Variants in COMT observed in about 807,000 individuals in gnomAD.
COMT encodes the protein catechol-O-methyltransferase, also known as catechol O-methyltransferase.
In COMT, 13 loss-of-function variants were observed where a neutral mutation model predicts 18.9. That is an observed-to-expected ratio of 0.69 (90% CI 0.45 to 1.09). The LOEUF (loss-of-function observed/expected upper bound fraction) is 1.09, where lower values mean the gene tolerates loss of function less well. Ranked by LOEUF, COMT falls within the 50% of genes least tolerant of loss-of-function variation. The pLI, the probability that COMT is intolerant of heterozygous loss-of-function variation, is 0.00. For missense variants in COMT, 329 were observed against 361.8 expected, an observed-to-expected ratio of 0.91 and a Z score of 0.73; for synonymous variants, 150 against 160.9, an observed-to-expected ratio of 0.93 and a Z score of 0.51.
intron 5 of COMT, 69 bp downstream of exon 5, chr22:19,964,368 TCCAAA>T: frequency 6.2e-7 from 1 of 1,609,084 alleles, no homozygotes. Context: ...CCTCAGCCTC[TCCAAA>T]GAGCCAGGCA....
At chr22:19,957,188 G>A (rs1365630507) in intron 1 of COMT, among the ~76,000 whole-genome samples, 3 of 152,130 alleles carry the variant, frequency 2.0e-5, no homozygotes, top group African/African-American at 4.8e-5. Context: ...CTGACCTCGT[G>A]ATCTGCCCGC....
chr22:19,951,944 C>T (rs1941948783), intron 1 of COMT, among the ~76,000 whole-genome samples: 1 of 152,184 alleles, frequency 6.6e-6, no homozygotes, highest in African/African-American at 2.4e-5. Flanking sequence ...CTCTTGGTAG[C>T]CATGACTTTC....
Position 19,963,540 on chromosome 22 carries a change from T to C in COMT, c.290-26T>C, listed in dbSNP as rs748587418. The C allele has an allele frequency of 3.1e-6, 5 of 1,608,802 alleles. No homozygotes were observed. In the East Asian group the frequency reaches 6.7e-5, roughly 22 times the overall value. ...TCCCCTCTCTCCACCTGTGCTCACC[T>C]CTCCTCCGTCCCCAACCCTGCACAG... On this transcript the variant is annotated intron_variant, in intron 3 of 5. Coordinates refer to ENST00000361682, the MANE Select transcript of COMT (RefSeq NM_000754.4).
chr22:19,947,015 A>C (rs1340544753), intron 1 of COMT, among the ~76,000 whole-genome samples: 1 of 148,252 alleles, frequency 6.7e-6, no homozygotes, highest in Non-Finnish European at 1.5e-5. Context: ...TCCTGGGCTC[A>C]AGCGATTCTC....
intron 1 of COMT, among the ~76,000 whole-genome samples, 155 bp from the exon 2 acceptor site, chr22:19,961,044 A>G (rs1942180729): frequency 6.6e-6 from 1 of 152,204 alleles, no homozygotes; most frequent in African/African-American, 2.4e-5. Flanking sequence ...GTCTCTTCTG[A>G]GGCCGGAAAG....
intron 5 of COMT, among the ~76,000 whole-genome samples, chr22:19,965,877 CCT>C (rs1942365117): frequency 6.6e-6 from 1 of 152,112 alleles, no homozygotes; most frequent in African/African-American, 2.4e-5. Flanking sequence ...GGGGCTCACC[CCT>C]GACAAAGGAG....
In COMT at chr22:19,967,826, T is replaced by C. The variant is rs151284584; in HGVS notation, c.616-710T>C. On this transcript the variant is annotated intron_variant, in intron 5 of 5. Coordinates refer to ENST00000361682, the MANE Select transcript of COMT (RefSeq NM_000754.4). Reference sequence around the variant, plus strand: ...CTCTCAAGGTTTCTTGTTTATGTGATGTAAGCAAACCCTTTTCTGATAGCA... The same window carrying C: ...CTCTCAAGGTTTCTTGTTTATGTGACGTAAGCAAACCCTTTTCTGATAGCA... The C allele has an allele frequency of 7.3e-3, 1,615 of 220,568 alleles. 16 individuals carry two copies. The highest frequency in any genetic ancestry group is 0.013 in the South Asian group (210 of 16,174). 13.7% of individuals were successfully genotyped at this position (220,568 alleles called of 1,614,324 possible). A position where few individuals can be genotyped will look rare whatever the true frequency, so the allele number is the denominator to read the frequency against.
chr22:19,968,978 C>G lies in COMT; in HGVS notation c.*242C>G, dbSNP rs1289399792. ...GCTATATTATCTTATATACTAATAT[C>G]ATGTTTTAAAAATATAAAATAGAAA... On this transcript the variant is annotated 3_prime_UTR_variant, in exon 6 of 6. Coordinates refer to ENST00000361682, the MANE Select transcript of COMT (RefSeq NM_000754.4). 6 of 430,900 alleles carry G rather than the reference C, an allele frequency of 1.4e-5. No individual in the cohort carries two copies. The highest frequency in any genetic ancestry group is 8.4e-6 in the Non-Finnish European group (2 of 238,680). 26.7% of individuals were successfully genotyped at this position (430,900 alleles called of 1,614,324 possible). A position where few individuals can be genotyped will look rare whatever the true frequency, so the allele number is the denominator to read the frequency against.
Position 19,941,859 on chromosome 22 carries a change from CG to C in COMT, c.-126del. ...GCCCGCCGCGCTGCCTGCGCCGGAC[CG>C]GGGCGGGTCCAGTCCCGGGCGGGCC... On this transcript the variant is annotated 5_prime_UTR_variant, in exon 1 of 6. Coordinates refer to ENST00000361682, the MANE Select transcript of COMT (RefSeq NM_000754.4). 4 of 1,454,676 alleles carry C rather than the reference CG, an allele frequency of 2.7e-6. No individual in the cohort carries two copies. The highest frequency in any genetic ancestry group is 2.9e-5 in the East Asian group (1 of 34,024). The allele number at this position is 1,454,676 out of a possible 1,614,324, so 90.1% of individuals were successfully genotyped here.
At chr22:19,963,411 T>C (rs1942248834) in intron 3 of COMT, 155 bp from the exon 4 acceptor site, 1 of 835,856 alleles carries the variant, frequency 1.2e-6, no homozygotes, top group Non-Finnish European at 1.9e-6. Flanking sequence ...GAAATACCCC[T>C]CCAGCGGGTA....
intron 1 of COMT, among the ~76,000 whole-genome samples, chr22:19,942,240 G>T (rs1941747774): frequency 6.6e-6 from 1 of 152,240 alleles, no homozygotes; most frequent in Non-Finnish European, 1.5e-5. Flanking sequence ...TCTCCCTGGA[G>T]TAGGGCTTGA....
chr22:19,949,524 T>G (rs1028560883), intron 1 of COMT, among the ~76,000 whole-genome samples: 1 of 152,180 alleles, frequency 6.6e-6, no homozygotes, highest in Non-Finnish European at 1.5e-5. Flanking sequence ...GTATAGGAAA[T>G]TGTTTCCCTC....
In COMT at chr22:19,969,688, C is replaced by T; in HGVS notation, c.*952C>T. 3.1e-6 allele frequency: 1 copy of T among 327,676 alleles called. No homozygotes were observed. Among genetic ancestry groups the T allele is most frequent in the Non-Finnish European group, 4.4e-6 (1 of 228,724 alleles). The allele number at this position is 327,676 out of a possible 1,614,324, so 20.3% of individuals were successfully genotyped here. ...GGCTCAAGGCCTGGCTAGCCCCCAG[C>T]CAGCCCACTCCTATGGATAGACAGA... is the stretch of plus-strand genomic sequence containing the variant. On this transcript the variant is annotated 3_prime_UTR_variant, in exon 6 of 6. Coordinates refer to ENST00000361682, the MANE Select transcript of COMT (RefSeq NM_000754.4).
chr22:19,944,771 G>A (rs946230324), intron 1 of COMT, among the ~76,000 whole-genome samples: 5 of 151,898 alleles, frequency 3.3e-5, no homozygotes, highest in Non-Finnish European at 5.9e-5. Flanking sequence ...GCAATGAGCC[G>A]AGATCACACC....
In COMT at chr22:19,969,613, G is replaced by C. The variant is rs1324324030; in HGVS notation, c.*877G>C. On this transcript the variant is annotated 3_prime_UTR_variant, in exon 6 of 6. Coordinates refer to ENST00000361682, the MANE Select transcript of COMT (RefSeq NM_000754.4). ...CAGGACAGGAATCAACCCTGTGCTA[G>C]CTGAGTTCACCTGCACCGAGACCAG... 6.4e-6 allele frequency: 1 copy of C among 155,760 alleles called. No homozygotes were observed. Among genetic ancestry groups the C allele is most frequent in the Admixed American group, 6.5e-5 (1 of 15,280 alleles). 9.6% of individuals were successfully genotyped at this position (155,760 alleles called of 1,614,324 possible).
chr22:19,964,683 G>A, intron 5 of COMT: 1 of 566,518 alleles, frequency 1.8e-6, no homozygotes. Flanking sequence ...GCAAGCCACT[G>A]CTCGTGCAAA....
At chr22:19,962,174 G>A (rs1488460319) in intron 2 of COMT, 1 of 360,060 alleles carries the variant, frequency 2.8e-6, no homozygotes, top group Non-Finnish European at 5.3e-6. Flanking sequence ...TGTCCTCTAA[G>A]CCAGCTGGGA....
At chr22:19,964,124 C>T (rs772593398) in intron 4 of COMT, 44 bp from the exon 5 acceptor site, 2 of 1,613,628 alleles carry the variant, frequency 1.2e-6, no homozygotes. Flanking sequence ...GTAGGGATGG[C>T]CTCCTGTCTG....
At chr22:19,957,012 G>T (rs567126595) in intron 1 of COMT, among the ~76,000 whole-genome samples, 1 of 150,294 alleles carries the variant, frequency 6.7e-6, no homozygotes, top group Admixed American at 6.6e-5. Flanking sequence ...GTGCAGTGGC[G>T]TGATCTCGGC....
Sources: allele counts gnomAD v4.1 joint callset (sites outside exome capture counted in the v4.1 genomes callset), GRCh38; gene constraint gnomAD v4.1.1; transcripts MANE v1.5; gene names NCBI Gene and HGNC (gene_info 2026-07-23, HGNC 2026-07-21).